The following SND1 variants were observed in gnomAD, a reference collection of about 807,000 sequenced individuals.
SND1 encodes staphylococcal nuclease domain-containing protein 1.
SND1 carries 38 observed loss-of-function variants against 121.7 expected under a neutral mutation model. That is an observed-to-expected ratio of 0.31 (90% CI 0.24 to 0.41). The LOEUF (loss-of-function observed/expected upper bound fraction) is 0.41. Ranked by LOEUF, SND1 falls within the 10% of genes least tolerant of loss-of-function variation. SND1 has a pLI of 1.00. For synonymous variants in SND1, 401 were observed against 447.4 expected, an observed-to-expected ratio of 0.90 and a Z score of 1.31; for missense variants, 868 against 1,184.6, an observed-to-expected ratio of 0.73 and a Z score of 3.92.
chr7:127,939,556 G>C (rs1415250009), intron 15 of SND1, among the ~76,000 whole-genome samples: 1 of 152,192 alleles, frequency 6.6e-6, no homozygotes, highest in Non-Finnish European at 1.5e-5. Context: ...AGACTGGCCT[G>C]CTTATCTTGG....
In SND1 at chr7:128,015,447, A is replaced by G. The variant is rs1238173934; in HGVS notation, c.1779+24391A>G. On this transcript the variant is annotated intron_variant, in intron 16 of 23. Transcript: ENST00000354725. This position sits in a 1 kb window ranked among gnomAD's most constrained non-coding sequence, Gnocchi z 4.5. Reference sequence around the variant, plus strand: ...CACCCACTTTGCTCCCTAAGTATTTATAGGAGCTGAGAGTCAAAAAAGCAC... The same window carrying G: ...CACCCACTTTGCTCCCTAAGTATTTGTAGGAGCTGAGAGTCAAAAAAGCAC... 6.6e-6 allele frequency among the ~76,000 whole-genome samples: 1 copy of G among 151,042 alleles called. No individual in the cohort carries two copies. The highest frequency in any genetic ancestry group is 1.9e-4 in the East Asian group (1 of 5,200).
chr7:127,887,967 A>C lies in SND1; in HGVS notation c.1409A>C (p.Asp470Ala). Residue 470 changes from aspartate (D) to alanine (A), a missense_variant, in exon 13 of 24, where the codon GAC becomes GCC. This residue lies in a region of SND1 where 743 missense variants were observed against 1,071.3 expected (regional missense o/e 0.69). Transcript: ENST00000354725. ...GTGATCAGATACCGGCAGGATGATGACCAGAGATCATCACACTACGATGAA... is the reference window on the plus strand; with the variant it reads ...GTGATCAGATACCGGCAGGATGATGCCCAGAGATCATCACACTACGATGAA... ...ATVIRYRQDD[D>A]QRSSHYDELL... The C allele has an allele frequency of 6.2e-7, 1 of 1,612,294 alleles. No individual in the cohort carries two copies. Among genetic ancestry groups the C allele is most frequent in the Non-Finnish European group, 8.5e-7 (1 of 1,178,926 alleles).
chr7:127,780,088 A>G (rs1419252542), intron 10 of SND1, among the ~76,000 whole-genome samples: 1 of 152,222 alleles, frequency 6.6e-6, no homozygotes, highest in Non-Finnish European at 1.5e-5. Context: ...GGTTCCTTGA[A>G]GATCATAGAC....
chr7:127,677,489 A>C (rs1208817380), intron 1 of SND1, among the ~76,000 whole-genome samples: 2 of 152,178 alleles, frequency 1.3e-5, no homozygotes, highest in Admixed American at 1.3e-4. Flanking sequence ...TGCACTTGCT[A>C]TTTAGACGAC....
chr7:127,661,928 C>A (rs1359876263), intron 1 of SND1, among the ~76,000 whole-genome samples: 5 of 152,000 alleles, frequency 3.3e-5, no homozygotes, highest in Non-Finnish European at 1.5e-5. Context: ...CCAGCCTGGC[C>A]AACATGGCAA....
In SND1 at chr7:128,030,628, A is replaced by C. The variant is rs200183455; in HGVS notation, c.1779+39572A>C. 1.2e-4 allele frequency: 189 copies of C among 1,560,888 alleles called. No individual in the cohort carries two copies. The highest frequency in any genetic ancestry group is 2.2e-4 in the Admixed American group (12 of 54,990). On this transcript the variant is annotated intron_variant, in intron 16 of 23. Transcript: ENST00000354725. ...GTGTGGTGGTGCACAGTTACCTGCC[A>C]CAAGAGCTTCATGGTGTGGCACGTT...
At chr7:127,937,159 G>A (rs528245103) in intron 15 of SND1, among the ~76,000 whole-genome samples, 1 of 152,284 alleles carries the variant, frequency 6.6e-6, no homozygotes, top group Non-Finnish European at 1.5e-5. Context: ...CCACCATGCC[G>A]TGTTTGCATT....
In SND1 at chr7:127,704,911, A is replaced by G. The variant is rs970285510; in HGVS notation, c.913A>G (p.Thr305Ala). 4 of 1,613,854 alleles carry G rather than the reference A, an allele frequency of 2.5e-6. No individual in the cohort carries two copies. The African/African-American group carries it at 4.0e-5, about 16-fold the overall frequency. ...RCVDWSIAVY[T>A]RGAEKLRAAE... ...TGTGGACTGGTCGATTGCAGTTTAC[A>G]CCCGGGGCGCAGAAAAGCTGAGGGC... The change falls in exon 8 of 24, where the codon ACC (threonine) becomes GCC (alanine). Residue 305 changes from threonine to alanine, a missense_variant. Thr to Ala is a moderately conservative substitution (Grantham distance 58, BLOSUM62 0). Coordinates refer to ENST00000354725, the MANE Select transcript of SND1 (RefSeq NM_014390.4).
intron 12 of SND1, among the ~76,000 whole-genome samples, chr7:127,885,600 A>G (rs963557369): frequency 5.3e-5 from 8 of 152,162 alleles, no homozygotes; most frequent in African/African-American, 4.8e-5. Flanking sequence ...AAGGAAGAGT[A>G]GAGAAAGTGC....
chr7:128,042,330 G>T (rs1016129898), intron 16 of SND1: 1 of 152,290 alleles, frequency 6.6e-6, no homozygotes, highest in East Asian at 1.9e-4. Flanking sequence ...TCCCCAAGAG[G>T]AGACCATCTT....
chr7:127,728,114 G>A, intron 10 of SND1, among the ~76,000 whole-genome samples: 1 of 152,162 alleles, frequency 6.6e-6, no homozygotes, highest in East Asian at 1.9e-4. Flanking sequence ...AAGACAGCAT[G>A]TGCCTGTCTT....
intron 12 of SND1, among the ~76,000 whole-genome samples, chr7:127,874,329 C>T (rs561448685): frequency 6.6e-6 from 1 of 152,118 alleles, no homozygotes. Flanking sequence ...CATTGTTTAA[C>T]ATGTGAAAGT....
Position 128,085,914 on chromosome 7 carries a change from TGTAACAGGCCAG to T in SND1, c.2304+136_2304+147del. On this transcript the variant is annotated intron_variant, in intron 20 of 23. Coordinates refer to ENST00000354725, the MANE Select transcript of SND1 (RefSeq NM_014390.4). The surrounding 1 kb of genome is among the most constrained non-coding windows in gnomAD (Gnocchi z 4.4). Reference sequence around the variant, plus strand: ...AGCATTGGGGCATCTCTGCTGTGCGTGTAACAGGCCAGGCCCCCTCAGTGACCTGGCAAAACT... The same window carrying T: ...AGCATTGGGGCATCTCTGCTGTGCGTGCCCCCTCAGTGACCTGGCAAAACT... The T allele has an allele frequency of 1.3e-6, 1 of 781,028 alleles. No individual in the cohort carries two copies. 48.4% of individuals were successfully genotyped at this position (781,028 alleles called of 1,614,324 possible). A position where few individuals can be genotyped will look rare whatever the true frequency, so the allele number is the denominator to read the frequency against.
At chr7:128,086,055 G>T (rs1360365752) in intron 20 of SND1, among the ~76,000 whole-genome samples, 1 of 152,216 alleles carries the variant, frequency 6.6e-6, no homozygotes, top group Non-Finnish European at 1.5e-5. Flanking sequence ...TGAGGTCTCT[G>T]CAGAATGGGG....
chr7:127,705,203 A>AT (rs1185100023), intron 8 of SND1, among the ~76,000 whole-genome samples: 2 of 152,040 alleles, frequency 1.3e-5, no homozygotes, highest in Admixed American at 6.6e-5. Context: ...TTTTCAGGTC[A>AT]TTTTTTTCCC....
intron 11 of SND1, among the ~76,000 whole-genome samples, chr7:127,834,805 G>A (rs1798835045): frequency 6.6e-6 from 1 of 152,060 alleles, no homozygotes. Flanking sequence ...ATACATCCTT[G>A]AGGTCAGCTC....
intron 16 of SND1, among the ~76,000 whole-genome samples, chr7:128,032,330 C>T (rs1295151766): frequency 6.6e-6 from 1 of 151,336 alleles, no homozygotes; most frequent in Non-Finnish European, 1.5e-5. Context: ...CCCCCCTCCC[C>T]GGGCCGCTTC....
At chr7:128,076,498 G>A (rs372384005) in intron 17 of SND1, among the ~76,000 whole-genome samples, 7 of 152,302 alleles carry the variant, frequency 4.6e-5, no homozygotes, top group African/African-American at 1.7e-4. Flanking sequence ...TCTTCCTCCT[G>A]GAGGGGCTGT....
At chr7:127,869,505 T>A (rs1799538431) in intron 12 of SND1, among the ~76,000 whole-genome samples, 1 of 152,210 alleles carries the variant, frequency 6.6e-6, no homozygotes, top group Admixed American at 6.5e-5. Context: ...TTTAGAGTCA[T>A]TAATGCTTTT....
Sources: allele counts gnomAD v4.1 joint callset (sites outside exome capture counted in the v4.1 genomes callset), GRCh38; gene constraint gnomAD v4.1.1; regional missense constraint gnomAD v4.1.1; non-coding constraint Gnocchi (gnomAD v3.1); transcripts MANE v1.5; gene names NCBI Gene and HGNC (gene_info 2026-07-23, HGNC 2026-07-21).